RSF1: variants seen among roughly 807,000 people sequenced by gnomAD.
RSF1 encodes the protein HBV pX-associated protein 8.
A neutral mutation model predicts 145.2 loss-of-function variants in RSF1; 13 were observed. The observed-to-expected ratio is 0.09, with a 90% confidence interval of 0.06 to 0.14. The LOEUF is 0.14. Among genes scored for constraint, RSF1 ranks in the 10% least tolerant of loss-of-function variants. The probability of loss-of-function intolerance (pLI) is 1.00; values close to 1 mark genes in which losing one functional copy is unlikely to be tolerated. For missense variants in RSF1, 1,517 were observed against 1,718.2 expected (o/e 0.88, Z 2.07); for synonymous variants, 577 against 592.6 (o/e 0.97, Z 0.38).
At chr11:77,808,527 C>CTTTTTTTTTTTTTTTT (rs745630976) in intron 1 of RSF1, among the ~76,000 whole-genome samples, 3 of 59,982 alleles carry the variant, frequency 5.0e-5, no homozygotes, top group Non-Finnish European at 7.8e-5. Context: ...AATATTATAC[C>CTTTTTTTTTTTTTTTT]TTTTTTTTTT....
chr11:77,703,832 A>G (rs1960480003), intron 5 of RSF1, among the ~76,000 whole-genome samples: 1 of 152,226 alleles, frequency 6.6e-6, no homozygotes, highest in Non-Finnish European at 1.5e-5. Flanking sequence ...TAAATAAGGT[A>G]AGAAAAAAAC....
chr11:77,705,265 A>G (rs553192993), intron 5 of RSF1, among the ~76,000 whole-genome samples: 5 of 152,360 alleles, frequency 3.3e-5, no homozygotes, highest in Admixed American at 3.3e-4. Flanking sequence ...AAATGAGTTT[A>G]AAAGGCATAA....
At chr11:77,832,017 CTT>C in the RSF1 span, 1 of 150,992 alleles carries the variant, frequency 6.6e-6, no homozygotes, top group African/African-American at 2.4e-5. Flanking sequence ...GGCCAGGTAT[CTT>C]TTTAAATCTT....
intron 13 of RSF1, 68 bp downstream of exon 13, chr11:77,676,724 C>G: frequency 7.3e-7 from 1 of 1,373,710 alleles, no homozygotes. Flanking sequence ...CATGGGCAAG[C>G]CTCTCTGCTA....
chr11:77,861,606 T>G, the RSF1 span, among the ~76,000 whole-genome samples: 1 of 152,214 alleles, frequency 6.6e-6, no homozygotes, highest in Admixed American at 6.5e-5. Flanking sequence ...GGCCTTCCAG[T>G]GATTCCCTTG....
chr11:77,817,720 AG>A (rs1395306361), intron 1 of RSF1, among the ~76,000 whole-genome samples: 4 of 152,210 alleles, frequency 2.6e-5, no homozygotes, highest in Admixed American at 6.5e-5. Flanking sequence ...CCTGCCAAAT[AG>A]GAATAATACT....
At chr11:77,824,494 C>T (rs1949077989), upstream of RSF1, among the ~76,000 whole-genome samples, 1 of 152,084 alleles carries the variant, frequency 6.6e-6, no homozygotes, top group South Asian at 2.1e-4. Flanking sequence ...AAGTCAAAAA[C>T]AACACAAATA....
intron 1 of RSF1, among the ~76,000 whole-genome samples, chr11:77,792,737 GA>G (rs35297116): frequency 0.055 from 7,163 of 129,964 alleles, 212 homozygotes; most frequent in Non-Finnish European, 0.073. Context: ...TCAAAGGTCT[GA>G]AAAAAAAAAA....
At chr11:77,777,010 T>A (rs938802042) in intron 1 of RSF1, among the ~76,000 whole-genome samples, 14 of 151,978 alleles carry the variant, frequency 9.2e-5, no homozygotes, top group East Asian at 5.8e-4. Context: ...AAACCATTTT[T>A]TAAAAAAACA....
intron 5 of RSF1, among the ~76,000 whole-genome samples, chr11:77,720,058 T>C (rs1960908155): frequency 6.6e-6 from 1 of 152,214 alleles, no homozygotes; most frequent in South Asian, 2.1e-4. Context: ...TTAGTGGTTA[T>C]GGTTGCACAA....
At chr11:77,839,028 TTTTG>T in the RSF1 span, among the ~76,000 whole-genome samples, 3 of 152,338 alleles carry the variant, frequency 2.0e-5, no homozygotes, top group African/African-American at 4.8e-5. Flanking sequence ...GTTACCATAT[TTTTG>T]TTTATTTCTT....
At chr11:77,823,231 A>G (rs931056576), upstream of RSF1, among the ~76,000 whole-genome samples, 1 of 150,936 alleles carries the variant, frequency 6.6e-6, no homozygotes, top group Non-Finnish European at 1.5e-5. Flanking sequence ...AAAAAAAAAA[A>G]AAAGAAATTA....
At chr11:77,778,749 A>C (rs1406365141) in intron 1 of RSF1, among the ~76,000 whole-genome samples, 2 of 152,192 alleles carry the variant, frequency 1.3e-5, no homozygotes, top group Admixed American at 1.3e-4. Context: ...ACTGTTGATC[A>C]TATCTTCCTT....
At chr11:77,693,951 A>AT (rs1960221510) in intron 7 of RSF1, among the ~76,000 whole-genome samples, 1 of 151,830 alleles carries the variant, frequency 6.6e-6, no homozygotes, top group Non-Finnish European at 1.5e-5. Context: ...CACCCAGCTA[A>AT]TTTTTGTATT....
At chr11:77,837,998 A>G in the RSF1 span, among the ~76,000 whole-genome samples, 1 of 152,198 alleles carries the variant, frequency 6.6e-6, no homozygotes, top group Non-Finnish European at 1.5e-5. Context: ...ACTGGAGCCC[A>G]GGGGCTTGAG....
At chr11:77,697,991 G>A (rs1439653366) in intron 7 of RSF1, among the ~76,000 whole-genome samples, 2 of 152,132 alleles carry the variant, frequency 1.3e-5, no homozygotes, top group Admixed American at 1.3e-4. Flanking sequence ...TCATTATAAA[G>A]TTACCTATTT....
chr11:77,734,193 T>C (rs149340838), intron 4 of RSF1, among the ~76,000 whole-genome samples: 1 of 152,272 alleles, frequency 6.6e-6, no homozygotes, highest in African/African-American at 2.4e-5. Context: ...ACTTCTATTG[T>C]TTTGTAAATC....
chr11:77,777,254 T>C (rs374415269), intron 1 of RSF1, among the ~76,000 whole-genome samples: 2 of 152,328 alleles, frequency 1.3e-5, no homozygotes, highest in East Asian at 3.9e-4. Flanking sequence ...ATATTAACTA[T>C]AATTATTTTT....
the RSF1 span, chr11:77,832,072 C>T: frequency 6.6e-6 from 1 of 151,650 alleles, no homozygotes; most frequent in Non-Finnish European, 1.5e-5. Context: ...CATCTTGTGA[C>T]TTCATTTTCT....
Sources: gnomAD v4.1 joint callset for allele counts (sites outside exome capture counted in the v4.1 genomes callset) on GRCh38, gnomAD v4.1.1 for gene constraint, MANE v1.5 for transcripts, NCBI Gene and HGNC (gene_info 2026-07-23, HGNC 2026-07-21) for gene names.